RET: variants seen among roughly 807,000 people sequenced by gnomAD.
RET encodes proto-oncogene tyrosine-protein kinase receptor Ret.
A neutral mutation model predicts 118.3 loss-of-function variants in RET; 19 were observed. That is an observed-to-expected ratio of 0.16 (90% confidence interval 0.11 to 0.24). The LOEUF (loss-of-function observed/expected upper bound fraction) is 0.24, where lower values mean the gene tolerates loss of function less well. RET is among the 10% of genes least tolerant of loss of function. The probability of loss-of-function intolerance (pLI) is 1.00; values close to 1 mark genes in which losing one functional copy is unlikely to be tolerated. For missense variants in RET, 1,219 were observed against 1,502.1 expected (o/e 0.81, Z 3.12); for synonymous variants, 597 against 644.1 (o/e 0.93, Z 1.11).
At chr10:43,079,255 C>T (rs1018295911) in intron 1 of RET, among the ~76,000 whole-genome samples, 1 of 152,138 alleles carries the variant, frequency 6.6e-6, no homozygotes, top group Admixed American at 6.5e-5. Flanking sequence ...AGGCTGTGGA[C>T]ATGCACAGCG....
intron 6 of RET, among the ~76,000 whole-genome samples, chr10:43,109,792 A>G (rs1837873643): frequency 7.4e-6 from 1 of 134,338 alleles, no homozygotes; most frequent in African/African-American, 2.5e-5. Context: ...AGTAATAAAT[A>G]TTCATTAAAG....
intron 17 of RET, among the ~76,000 whole-genome samples, chr10:43,124,012 AG>A (rs1211761536): frequency 2.0e-5 from 3 of 151,914 alleles, no homozygotes; most frequent in African/African-American, 4.8e-5. Flanking sequence ...TGGGCTTCCT[AG>A]GGGGTCTTAT....
intron 3 of RET, 104 bp from the exon 4 acceptor site, chr10:43,104,848 G>A: frequency 6.7e-7 from 1 of 1,493,294 alleles, no homozygotes; most frequent in South Asian, 1.3e-5. Flanking sequence ...TGGGGCCGCG[G>A]CGGTGTGCGC....
At chr10:43,095,038 G>T (rs1298869045) in intron 1 of RET, among the ~76,000 whole-genome samples, 1 of 152,112 alleles carries the variant, frequency 6.6e-6, no homozygotes, top group African/African-American at 2.4e-5. Flanking sequence ...GGGGTGGGGA[G>T]AGCTCTGTGG....
At chr10:43,088,231 A>ATGG (rs1157986649) in intron 1 of RET, among the ~76,000 whole-genome samples, 1 of 132,482 alleles carries the variant, frequency 7.5e-6, no homozygotes, top group Non-Finnish European at 1.6e-5. Context: ...GGTGGAGGCA[A>ATGG]TGGTGGTGGT....
At chr10:43,113,503 G>T (rs778209899) in intron 9 of RET, 53 bp from the exon 10 acceptor site, 363 of 1,554,958 alleles carry the variant, frequency 2.3e-4, no homozygotes, top group Non-Finnish European at 3.0e-4. Flanking sequence ...AAATATGGGC[G>T]CCTGGGGTGG....
chr10:43,086,062 G>C (rs1175972221), intron 1 of RET, among the ~76,000 whole-genome samples: 2 of 152,196 alleles, frequency 1.3e-5, no homozygotes, highest in Non-Finnish European at 2.9e-5. Context: ...AATGCAGAAG[G>C]GGTGGTAGCT....
rs3026730 is a variant in RET, at chr10:43,082,447, C to T, written c.73+5116C>T. Among the ~76,000 whole-genome samples the T allele has an allele frequency of 2.7e-3, 418 of 152,326 alleles. 4 individuals are homozygous for T. The highest frequency in any genetic ancestry group is 4.4e-3 in the Non-Finnish European group (299 of 68,028). ...GACAGGTGTGCGCCTACCTGGTGGA[C>T]CAGCGGGCATAGGCTTTCCTCCCTG... On this transcript the variant is annotated intron_variant, in intron 1 of 19. Coordinates refer to ENST00000355710, the MANE Select transcript of RET (RefSeq NM_020975.6).
intron 13 of RET, among the ~76,000 whole-genome samples, chr10:43,119,234 G>A (rs187510389): frequency 3.9e-5 from 6 of 152,330 alleles, no homozygotes; most frequent in East Asian, 1.9e-4. Context: ...AAGGCTTGGC[G>A]TCCTAGCATC....
intron 13 of RET, 49 bp downstream of exon 13, chr10:43,118,529 G>C (rs765308439): frequency 2.9e-6 from 4 of 1,374,438 alleles, no homozygotes; most frequent in South Asian, 2.3e-5. Context: ...CCCAGGCTGG[G>C]GGCTCCATAC....
rs1160720188 is a variant in RET at position 43,118,437 on chromosome 10, C to T, written c.2349C>T (p.Asn783=). 1.1e-5 allele frequency: 17 copies of T among 1,613,998 alleles called. No individual in the cohort carries two copies. The highest frequency in any genetic ancestry group is 1.4e-5 in the Non-Finnish European group (16 of 1,180,032). Residue 783 remains asparagine, a synonymous_variant, in exon 13 of 20, where the codon AAC becomes AAT. Transcript: ENST00000355710. ...LSEFNVLKQV[N]HPHVIKLYGA... is the part of the protein sequence containing the mutation. ...AGTTCAACGTCCTGAAGCAGGTCAA[C>T]CACCCACATGTCATCAAATTGTATG...
At position 43,111,498 on chromosome 10, in the gene RET, G is replaced by A. The variant is rs750358582; in HGVS notation, c.1522+33G>A. ...CCTGCTCCAGGGAGGGAGGGTCGGG[G>A]TCCTGGGGGCTTCTGGAGCCTGGGC... On this transcript the variant is annotated intron_variant, in intron 7 of 19. Coordinates refer to ENST00000355710, the MANE Select transcript of RET (RefSeq NM_020975.6). 6.9e-6 allele frequency: 11 copies of A among 1,598,228 alleles called. No homozygotes were observed. In the East Asian group the frequency reaches 2.5e-4, roughly 36 times the overall value.
At chr10:43,120,942 AG>A (rs1838203159) in intron 15 of RET, among the ~76,000 whole-genome samples, 6 of 145,812 alleles carry the variant, frequency 4.1e-5, no homozygotes, top group Admixed American at 6.9e-5. Context: ...AAGAAGAAGA[AG>A]AAAAAAAAAA....
rs876658331 is a variant in RET, at chr10:43,106,489, G to A, written c.981G>A (p.Gln327=). 6.2e-7 allele frequency: 1 copy of A among 1,613,650 alleles called. No individual in the cohort carries two copies. The highest frequency in any genetic ancestry group is 2.2e-5 in the East Asian group (1 of 44,882). Residue 327 remains glutamine, a synonymous_variant, in exon 5 of 20, where the codon CAG becomes CAA. Coordinates refer to ENST00000355710, the MANE Select transcript of RET (RefSeq NM_020975.6). This position sits in a 1 kb window ranked among gnomAD's most constrained non-coding sequence, Gnocchi z 5.1. ...TLLPGDTWAQ[Q]TFRVEHWPNE... ...TCCCCGGGGACACCTGGGCCCAGCAGACCTTCCGGGTGGAACACTGGCCCA... is the reference window on the plus strand; with the variant it reads ...TCCCCGGGGACACCTGGGCCCAGCAAACCTTCCGGGTGGAACACTGGCCCA...
chr10:43,126,773 A>C (rs374449056), intron 19 of RET, 51 bp downstream of exon 19: 143 of 1,602,746 alleles, frequency 8.9e-5, no homozygotes, highest in Non-Finnish European at 1.2e-4. Flanking sequence ...TCCCCTTTGC[A>C]CTATCCTTCC....
At chr10:43,083,650 G>A (rs1837233498) in intron 1 of RET, among the ~76,000 whole-genome samples, 1 of 152,232 alleles carries the variant, frequency 6.6e-6, no homozygotes, top group South Asian at 2.1e-4. Context: ...ACGCAGGGGT[G>A]TACCTGCACA....
chr10:43,095,165 G>A (rs1489008408), intron 1 of RET, among the ~76,000 whole-genome samples: 1 of 152,132 alleles, frequency 6.6e-6, no homozygotes, highest in East Asian at 1.9e-4. Context: ...GGTCTGGCAG[G>A]AACTATCCTT....
Position 43,106,934 on chromosome 10 carries a change from G to A in RET, c.1063+363G>A, listed in dbSNP as rs969889491. The stretch of plus-strand genomic sequence containing the variant: ...TCGTTGCCCCTAAGGCGTCCCAAGT[G>A]CTTACGGATTATTGCTCCAGCCTCA... On this transcript the variant is annotated intron_variant, in intron 5 of 19. Transcript: ENST00000355710. This position sits in a 1 kb window ranked among gnomAD's most constrained non-coding sequence, Gnocchi z 5.1. Among the ~76,000 whole-genome samples, 1 of 152,168 alleles carries A rather than the reference G, an allele frequency of 6.6e-6. No homozygotes were observed. The highest frequency in any genetic ancestry group is 1.5e-5 in the Non-Finnish European group (1 of 68,034).
At chr10:43,078,498 G>A (rs536659994) in intron 1 of RET, among the ~76,000 whole-genome samples, 1 of 152,376 alleles carries the variant, frequency 6.6e-6, no homozygotes, top group African/African-American at 2.4e-5. Context: ...TCCACCTAGC[G>A]AGGGACAGGG....
Sources: gnomAD v4.1 joint callset for allele counts (sites outside exome capture counted in the v4.1 genomes callset) on GRCh38, gnomAD v4.1.1 for gene constraint, Gnocchi (gnomAD v3.1) non-coding constraint, MANE v1.5 for transcripts, NCBI Gene and HGNC (gene_info 2026-07-23, HGNC 2026-07-21) for gene names.